The following CEP128 variants were observed in gnomAD, a reference collection of about 807,000 sequenced individuals.
The protein encoded by CEP128 is centrosomal protein 128.
CEP128 carries 132 observed loss-of-function variants against 156.7 expected under a neutral mutation model. The ratio of observed to expected loss-of-function variants is 0.84; its 90% CI spans 0.73 to 0.97. The LOEUF is 0.97. Ranked by LOEUF, CEP128 falls within the 50% of genes least tolerant of loss-of-function variation. CEP128 has a pLI of 0.00. For synonymous variants in CEP128, 469 were observed against 448.9 expected (o/e 1.04, Z -0.57); for missense variants, 1,252 against 1,281.9 (o/e 0.98, Z 0.36).
intron 19 of CEP128, among the ~76,000 whole-genome samples, chr14:80,595,024 CAT>C (rs1480039219): frequency 3.9e-5 from 6 of 152,158 alleles, no homozygotes; most frequent in African/African-American, 7.2e-5. Context: ...CACATGCACA[CAT>C]GTGTTTATTG....
intron 19 of CEP128, among the ~76,000 whole-genome samples, chr14:80,685,600 T>TA (rs575679614): frequency 9.6e-4 from 145 of 151,612 alleles, no homozygotes; most frequent in African/African-American, 3.3e-3. Flanking sequence ...AAATTAAATA[T>TA]AAAAAAAATT....
At chr14:80,629,161 A>G (rs1893859318) in intron 19 of CEP128, among the ~76,000 whole-genome samples, 1 of 56,764 alleles carries the variant, frequency 1.8e-5, no homozygotes, top group East Asian at 4.9e-4. Flanking sequence ...TGCCATTAGC[A>G]ACAATTGAAA....
chr14:80,918,062 T>A (rs1215661219), intron 2 of CEP128, among the ~76,000 whole-genome samples: 1 of 152,212 alleles, frequency 6.6e-6, no homozygotes, highest in Non-Finnish European at 1.5e-5. Context: ...CTTGCCTGTC[T>A]TATCCCATGT....
intron 8 of CEP128, among the ~76,000 whole-genome samples, chr14:80,893,746 C>T (rs571467216): frequency 6.6e-6 from 1 of 151,994 alleles, no homozygotes; most frequent in Non-Finnish European, 1.5e-5. Context: ...GTGTCCTTAT[C>T]TTGGAGTTAC....
rs762988130 is a variant in CEP128 at position 80,836,372 on chromosome 14, A to T, written c.925-35T>A. Reference sequence around the variant, plus strand: ...GGTCAAAAATCAAACATCGGTTTTCACAATCAGAGAAAGACCTACTTCAAA... The same window carrying T: ...GGTCAAAAATCAAACATCGGTTTTCTCAATCAGAGAAAGACCTACTTCAAA... On this transcript the variant is annotated intron_variant, in intron 11 of 24. Transcript: ENST00000555265. 8 of 1,612,896 alleles carry T rather than the reference A, an allele frequency of 5.0e-6. No homozygotes were observed. The South Asian group carries it at 5.5e-5, about 11-fold the overall frequency.
intron 19 of CEP128, among the ~76,000 whole-genome samples, chr14:80,661,849 C>G (rs1895415705): frequency 6.6e-6 from 1 of 152,062 alleles, no homozygotes. Context: ...ATCAGAATAA[C>G]CGACAAAATA....
At chr14:80,493,540 A>T (rs1887395148), downstream of CEP128, among the ~76,000 whole-genome samples, 1 of 152,224 alleles carries the variant, frequency 6.6e-6, no homozygotes, top group Admixed American at 6.5e-5. Context: ...CACCCACGTT[A>T]GAATACAGCT....
chr14:80,861,908 T>C (rs774755326), intron 9 of CEP128, among the ~76,000 whole-genome samples: 8 of 152,164 alleles, frequency 5.3e-5, no homozygotes, highest in Non-Finnish European at 1.0e-4. Context: ...ATGTATATCA[T>C]GTCTGCAAAT....
At chr14:80,826,834 A>G (rs1885508788) in intron 13 of CEP128, among the ~76,000 whole-genome samples, 1 of 152,144 alleles carries the variant, frequency 6.6e-6, no homozygotes, top group African/African-American at 2.4e-5. Context: ...AAGTTGACGG[A>G]AGATGGAGGC....
At chr14:80,722,066 G>T (rs906056851) in intron 19 of CEP128, among the ~76,000 whole-genome samples, 2 of 152,286 alleles carry the variant, frequency 1.3e-5, no homozygotes, top group African/African-American at 4.8e-5. Flanking sequence ...TTTTGGTGCT[G>T]TGAGAAAGGC....
intron 23 of CEP128, among the ~76,000 whole-genome samples, chr14:80,508,615 C>T (rs988224340): frequency 2.6e-5 from 4 of 151,884 alleles, no homozygotes; most frequent in African/African-American, 9.7e-5. Context: ...AACTTTTGTC[C>T]ATATTTTTAT....
In CEP128 at chr14:80,545,358, G is replaced by C. The variant is rs1423439535; in HGVS notation, c.2880+13921C>G. Among the ~76,000 whole-genome samples the C allele has an allele frequency of 1.1e-4, 16 of 152,270 alleles. No homozygotes were observed. In the South Asian group the frequency reaches 1.2e-3, roughly 12 times the overall value. Reference sequence around the variant, plus strand: ...GAAAAATTAGAAAAGGAAGATGAGAGAGCCAGTTTACATAATCTTAATCAA... The same window carrying C: ...GAAAAATTAGAAAAGGAAGATGAGACAGCCAGTTTACATAATCTTAATCAA... On this transcript the variant is annotated intron_variant, in intron 21 of 24. Coordinates refer to ENST00000555265, the MANE Select transcript of CEP128 (RefSeq NM_152446.5).
intron 2 of CEP128, among the ~76,000 whole-genome samples, chr14:80,919,801 A>G (rs1329504222): frequency 1.3e-5 from 2 of 152,232 alleles, no homozygotes; most frequent in Non-Finnish European, 2.9e-5. Flanking sequence ...ACTTTTACTA[A>G]GACAGAATCA....
chr14:80,907,954 C>T (rs1466653499), intron 4 of CEP128, among the ~76,000 whole-genome samples: 4 of 152,052 alleles, frequency 2.6e-5, no homozygotes, highest in African/African-American at 4.8e-5. Context: ...AGAAATAAAA[C>T]GTAAAATCAG....
At chr14:80,511,054 T>G (rs1429039057) in intron 23 of CEP128, among the ~76,000 whole-genome samples, 1 of 11,814 alleles carries the variant, frequency 8.5e-5, no homozygotes, top group East Asian at 7.2e-3. Flanking sequence ...GGCCTGTGGG[T>G]TTTTTTTTTC....
intron 16 of CEP128, among the ~76,000 whole-genome samples, chr14:80,766,873 A>C (rs1422758167): frequency 6.6e-6 from 1 of 152,158 alleles, no homozygotes; most frequent in African/African-American, 2.4e-5. Context: ...TTAAAGGCTG[A>C]AATAAAAACG....
chr14:80,686,011 A>G (rs1263059403), intron 19 of CEP128, among the ~76,000 whole-genome samples: 1 of 152,134 alleles, frequency 6.6e-6, no homozygotes, highest in Non-Finnish European at 1.5e-5. Context: ...GAATCCTAGA[A>G]GAAAACCTAG....
intron 23 of CEP128, among the ~76,000 whole-genome samples, chr14:80,510,972 T>A (rs1208733147): frequency 1.3e-5 from 2 of 151,884 alleles, no homozygotes; most frequent in South Asian, 4.1e-4. Context: ...ATAATCTTTT[T>A]AATAGATTAT....
intron 21 of CEP128, among the ~76,000 whole-genome samples, chr14:80,540,198 C>CA (rs998625073): frequency 1.2e-4 from 4 of 33,656 alleles, no homozygotes; most frequent in East Asian, 1.5e-3. Flanking sequence ...TGTTCTTACA[C>CA]CCCCCCCCCT....
Sources: allele counts gnomAD v4.1 joint callset (sites outside exome capture counted in the v4.1 genomes callset), GRCh38; gene constraint gnomAD v4.1.1; transcripts MANE v1.5; gene names NCBI Gene and HGNC (gene_info 2026-07-23, HGNC 2026-07-21).